MOV10L1: variants seen among roughly 807,000 people sequenced by gnomAD.
The protein encoded by MOV10L1 is Mov10 like RNA helicase 1.
In MOV10L1, 110 loss-of-function variants were observed where a neutral mutation model predicts 143.8. The ratio of observed to expected loss-of-function variants is 0.76; its 90% CI spans 0.66 to 0.90. The LOEUF (loss-of-function observed/expected upper bound fraction) is 0.90. MOV10L1 is among the 40% of genes least tolerant of loss of function. MOV10L1 has a pLI of 0.00. For missense variants in MOV10L1, 1,406 were observed against 1,526.8 expected (o/e 0.92, Z 1.32); for synonymous variants, 593 against 581.1 (o/e 1.02, Z -0.29).
intron 26 of MOV10L1, 123 bp downstream of exon 26, chr22:50,161,178 A>T: frequency 9.0e-7 from 1 of 1,105,750 alleles, no homozygotes. Context: ...TCTGCCGGCC[A>T]CCGTCCTCAC....
chr22:50,141,968 C>A, intron 15 of MOV10L1, 113 bp from the exon 16 acceptor site: 1 of 648,194 alleles, frequency 1.5e-6, no homozygotes, highest in Non-Finnish European at 2.5e-6. Flanking sequence ...ATCCAAAGAG[C>A]TGTTAAATAA....
chr22:50,148,663 CT>C (rs66866727), intron 19 of MOV10L1, among the ~76,000 whole-genome samples: 29,010 of 139,862 alleles, frequency 0.21, 3,127 homozygotes, highest in Admixed American at 0.35. Context: ...TTCTTTTTTT[CT>C]TTTTTTTTTT....
At chr22:50,139,545 C>CA (rs928142735) in intron 15 of MOV10L1, among the ~76,000 whole-genome samples, 22 of 133,888 alleles carry the variant, frequency 1.6e-4, no homozygotes, top group Admixed American at 2.3e-4. Flanking sequence ...AACTCTGTCT[C>CA]AAAAAAAAAC....
intron 2 of MOV10L1, 43 bp downstream of exon 2, chr22:50,092,228 G>T (rs147050565): frequency 1.3e-6 from 2 of 1,559,524 alleles, no homozygotes; most frequent in Non-Finnish European, 1.8e-6. Context: ...CTTCGCCACG[G>T]GACTTTGTGT....
intron 15 of MOV10L1, among the ~76,000 whole-genome samples, chr22:50,138,149 A>C (rs981289251): frequency 1.8e-4 from 28 of 152,164 alleles, no homozygotes; most frequent in Admixed American, 1.4e-3. Flanking sequence ...AAACCTACTT[A>C]GTGATAACTG....
chr22:50,160,765 T>C lies in MOV10L1; in HGVS notation c.3402T>C (p.Val1134=). 1 of 1,614,142 alleles carries C rather than the reference T, an allele frequency of 6.2e-7. No homozygotes were observed. The change falls in exon 25 of 27, where the codon GTT becomes GTC. Residue 1134 remains valine (V), a synonymous_variant. Coordinates refer to ENST00000262794, the MANE Select transcript of MOV10L1 (RefSeq NM_018995.3). ...TGTCCAACTCAAAAAGATTTAATGT[T>C]GCAATCACCAGACCCAAAGCTTTGC... The part of the protein sequence containing the change: ...GFLSNSKRFN[V]AITRPKALLI...
intron 5 of MOV10L1, 90 bp from the exon 6 acceptor site, chr22:50,113,558 C>A (rs2062080262): frequency 6.6e-6 from 10 of 1,510,996 alleles, no homozygotes; most frequent in Non-Finnish European, 8.9e-6. Context: ...TCTGAGTGCC[C>A]CCACCAGCAG....
intron 3 of MOV10L1, among the ~76,000 whole-genome samples, chr22:50,101,593 C>T (rs1369675717): frequency 6.6e-6 from 1 of 151,054 alleles, no homozygotes; most frequent in African/African-American, 2.4e-5. Flanking sequence ...CTCACTGTAA[C>T]CTCCACCTCC....
chr22:50,144,393 T>G, intron 18 of MOV10L1, 150 bp downstream of exon 18: 980 of 842,344 alleles, frequency 1.2e-3, no homozygotes, highest in Non-Finnish European at 1.6e-3. Context: ...CCATGGGCCC[T>G]CCCTCACCGC....
chr22:50,136,306 T>C (rs1255338937), intron 15 of MOV10L1, among the ~76,000 whole-genome samples: 1 of 152,194 alleles, frequency 6.6e-6, no homozygotes, highest in Non-Finnish European at 1.5e-5. Context: ...GTGTTACTAT[T>C]TAGGTGGGCA....
Position 50,113,807 on chromosome 22 carries a change from C to T in MOV10L1, c.884+19C>T. The T allele has an allele frequency of 1.3e-6, 2 of 1,544,226 alleles. No homozygotes were observed. Among genetic ancestry groups the T allele is most frequent in the Non-Finnish European group, 1.8e-6 (2 of 1,142,618 alleles). On this transcript the variant is annotated intron_variant, in intron 6 of 26. Coordinates refer to ENST00000262794, the MANE Select transcript of MOV10L1 (RefSeq NM_018995.3). ...GGATAGAGTGAGTTTGCCACTGAAACATTTTCTATAAAGCTACATTAATGG... is the reference window on the plus strand; with the variant it reads ...GGATAGAGTGAGTTTGCCACTGAAATATTTTCTATAAAGCTACATTAATGG...
intron 9 of MOV10L1, among the ~76,000 whole-genome samples, chr22:50,119,367 C>T (rs1569293510): frequency 6.6e-6 from 1 of 152,050 alleles, no homozygotes; most frequent in South Asian, 2.1e-4. Context: ...CATCCGTGGC[C>T]GCCTGTCACA....
At chr22:50,101,391 A>G (rs917804167) in intron 3 of MOV10L1, among the ~76,000 whole-genome samples, 10 of 149,204 alleles carry the variant, frequency 6.7e-5, no homozygotes, top group African/African-American at 2.5e-4. Flanking sequence ...AATTTTTTGT[A>G]TTTTTAGTAG....
At chr22:50,144,733 C>T (rs1227545801) in intron 18 of MOV10L1, among the ~76,000 whole-genome samples, 5 of 151,996 alleles carry the variant, frequency 3.3e-5, no homozygotes, top group African/African-American at 7.2e-5. Context: ...AGGCACCCGC[C>T]ACTGCGCCCG....
Position 50,153,119 on chromosome 22 carries a change from G to A in MOV10L1, c.2967G>A (p.Arg989=). ...LMLPSRLFYH[R]ELEVCADPTV... ...TGCCCTCACGGCTGTTCTACCACAGGGAACTCGAGGTCTGTGCGGACCCCA... is the reference window on the plus strand; with the variant it reads ...TGCCCTCACGGCTGTTCTACCACAGAGAACTCGAGGTCTGTGCGGACCCCA... Residue 989 remains arginine, a synonymous_variant, in exon 22 of 27, where the codon AGG becomes AGA. Transcript: ENST00000262794. 1.2e-6 allele frequency: 2 copies of A among 1,613,880 alleles called. No individual in the cohort carries two copies. The highest frequency in any genetic ancestry group is 4.5e-5 in the East Asian group (2 of 44,874).
At chr22:50,142,028 C>T in intron 15 of MOV10L1, 53 bp from the exon 16 acceptor site, 2 of 1,475,528 alleles carry the variant, frequency 1.4e-6, no homozygotes, top group East Asian at 4.6e-5. Context: ...TCAACCAAGC[C>T]AGTGTAAACA....
At chr22:50,146,265 T>C (rs1288513254) in intron 19 of MOV10L1, among the ~76,000 whole-genome samples, 4 of 151,814 alleles carry the variant, frequency 2.6e-5, no homozygotes, top group African/African-American at 9.7e-5. Flanking sequence ...GCAGGCTGCC[T>C]AGGAAACGGC....
chr22:50,123,516 C>T (rs939238951), intron 10 of MOV10L1, among the ~76,000 whole-genome samples: 11 of 152,176 alleles, frequency 7.2e-5, no homozygotes, highest in African/African-American at 2.7e-4. Context: ...AGGAATGAGC[C>T]ACCACACCCA....
At chr22:50,092,517 A>G (rs2062477848) in intron 2 of MOV10L1, among the ~76,000 whole-genome samples, 1 of 151,954 alleles carries the variant, frequency 6.6e-6, no homozygotes, top group African/African-American at 2.4e-5. Context: ...ACATACCTGT[A>G]GTCCCAGCTA....
Sources: gnomAD v4.1 joint callset for allele counts (sites outside exome capture counted in the v4.1 genomes callset) on GRCh38, gnomAD v4.1.1 for gene constraint, MANE v1.5 for transcripts, NCBI Gene and HGNC (gene_info 2026-07-23, HGNC 2026-07-21) for gene names.